NTM: variants seen among roughly 807,000 people sequenced by gnomAD.
NTM encodes the protein neurotrimin.
In NTM, 13 loss-of-function variants were observed where a neutral mutation model predicts 42.1. The ratio of observed to expected loss-of-function variants is 0.31; its 90% confidence interval spans 0.20 to 0.49. The LOEUF (loss-of-function observed/expected upper bound fraction) is 0.49. NTM is among the 20% of genes least tolerant of loss of function. NTM has a pLI of 0.99. For missense variants in NTM, 373 were observed against 452.8 expected (o/e 0.82, Z 1.60); for synonymous variants, 187 against 179.2 (o/e 1.04, Z -0.35).
In NTM at chr11:132,050,250, G is replaced by T. The variant is rs565861851; in HGVS notation, c.168-96032G>T. 2.6e-5 allele frequency among the ~76,000 whole-genome samples: 4 copies of T among 152,282 alleles called. No homozygotes were observed. In the South Asian group the frequency reaches 6.2e-4, roughly 24 times the overall value. ...CTAATAGTTACCCAGCCAGGGTCAA[G>T]CAGCTGGAGAGGGAAGTTAGAGAAA... On this transcript the variant is annotated intron_variant, in intron 2 of 8. Transcript: ENST00000683400.
At chr11:131,393,694 C>A (rs34982166) in intron 1 of NTM, among the ~76,000 whole-genome samples, 18 of 152,334 alleles carry the variant, frequency 1.2e-4, no homozygotes, top group African/African-American at 4.1e-4. Flanking sequence ...TCTCTCTCTC[C>A]GCCCCTCCTT....
chr11:131,976,104 C>T (rs1251053129), intron 2 of NTM, among the ~76,000 whole-genome samples: 1 of 141,198 alleles, frequency 7.1e-6, no homozygotes. Context: ...TCCTTCCCTC[C>T]CTCCCTCCCT....
intron 1 of NTM, among the ~76,000 whole-genome samples, chr11:131,762,636 C>T (rs367675754): frequency 9.7e-4 from 147 of 152,306 alleles, no homozygotes; most frequent in African/African-American, 3.2e-3. Context: ...CTCCTGAGGC[C>T]GTCCTTTTCC....
Position 131,712,172 on chromosome 11 carries a change from TTA to T in NTM, c.83-199391_83-199390del, listed in dbSNP as rs1491416985. 5.7e-3 allele frequency among the ~76,000 whole-genome samples: 771 copies of T among 134,376 alleles called. 12 individuals carry two copies. Among genetic ancestry groups the T allele is most frequent in the African/African-American group, 0.021 (707 of 33,984 alleles). The allele number at this position is 134,376 out of a possible 152,430, so 88.2% of individuals were successfully genotyped here. On this transcript the variant is annotated intron_variant, in intron 1 of 8. Transcript: ENST00000683400. Reference sequence around the variant, plus strand: ...AAATAAAAAAATAAAAATTAAAAAATTAAAAAAAAAAACAAAAAAAAACCCCA... The same window carrying T: ...AAATAAAAAAATAAAAATTAAAAAATAAAAAAAAAACAAAAAAAAACCCCA...
At chr11:132,179,826 G>A (rs2077302886) in intron 3 of NTM, among the ~76,000 whole-genome samples, 1 of 152,118 alleles carries the variant, frequency 6.6e-6, no homozygotes. Flanking sequence ...GAAGAAGAAT[G>A]AGGAATTTCC....
chr11:132,276,971 T>C (rs1223454597), intron 4 of NTM, among the ~76,000 whole-genome samples: 1 of 152,224 alleles, frequency 6.6e-6, no homozygotes, highest in African/African-American at 2.4e-5. Flanking sequence ...GTTGCTAGTA[T>C]ATAGAAATAC....
rs997281877 is a variant in NTM at position 132,219,400 on chromosome 11, G to A, written c.526+7253G>A. On this transcript the variant is annotated intron_variant, in intron 4 of 8. Coordinates refer to ENST00000683400, the MANE Select transcript of NTM (RefSeq NM_001352005.2). ...TGTTTTGTCTTTAGTGTCTGATAAA[G>A]CACCAGATGTTTTGGGGTCTTGTAA... Among the ~76,000 whole-genome samples, 15 of 152,248 alleles carry A rather than the reference G, an allele frequency of 9.9e-5. No homozygotes were observed. In the South Asian group the frequency reaches 2.9e-3, roughly 30 times the overall value.
chr11:131,994,513 TC>T (rs2067625012), intron 2 of NTM, among the ~76,000 whole-genome samples: 1 of 152,188 alleles, frequency 6.6e-6, no homozygotes, highest in Non-Finnish European at 1.5e-5. Context: ...ACAAGTGGTA[TC>T]ATTAGAAGGT....
chr11:131,902,054 A>G (rs1422999685), intron 1 of NTM, among the ~76,000 whole-genome samples: 1 of 152,226 alleles, frequency 6.6e-6, no homozygotes, highest in East Asian at 1.9e-4. Context: ...TTTATTTAGA[A>G]AGGCCCTGAA....
At chr11:131,466,985 G>A (rs528444176) in intron 1 of NTM, among the ~76,000 whole-genome samples, 27 of 152,254 alleles carry the variant, frequency 1.8e-4, no homozygotes, top group Admixed American at 7.8e-4. Flanking sequence ...GTGCATACAC[G>A]TACACACACG....
chr11:131,825,868 A>T (rs1020667533), intron 1 of NTM, among the ~76,000 whole-genome samples: 2 of 152,228 alleles, frequency 1.3e-5, no homozygotes, highest in Non-Finnish European at 2.9e-5. Flanking sequence ...TGAAGAGTTT[A>T]TAGTACCATT....
intron 1 of NTM, among the ~76,000 whole-genome samples, chr11:131,566,318 A>G (rs2056877205): frequency 6.6e-6 from 1 of 152,138 alleles, no homozygotes; most frequent in Non-Finnish European, 1.5e-5. Context: ...AGAATGTACA[A>G]ATTCCTTTAC....
chr11:131,409,240 G>A (rs1166404428), intron 1 of NTM, among the ~76,000 whole-genome samples: 1 of 152,232 alleles, frequency 6.6e-6, no homozygotes, highest in African/African-American at 2.4e-5. Flanking sequence ...ACTTGTTTGA[G>A]AAGCAGAAGG....
intron 2 of NTM, among the ~76,000 whole-genome samples, chr11:131,924,759 A>T (rs911405023): frequency 1.3e-5 from 2 of 152,380 alleles, no homozygotes; most frequent in East Asian, 3.9e-4. Flanking sequence ...TTACCTAAAG[A>T]AAAAACAAAC....
At chr11:132,212,547 G>A (rs1445231559) in intron 4 of NTM, among the ~76,000 whole-genome samples, 5 of 152,206 alleles carry the variant, frequency 3.3e-5, no homozygotes, top group East Asian at 1.9e-4. Context: ...CCTAAAAGGA[G>A]ATTCTCCAAG....
intron 1 of NTM, chr11:131,536,865 G>C (rs1425655789): frequency 3.3e-5 from 5 of 152,236 alleles, no homozygotes; most frequent in African/African-American, 1.2e-4. Flanking sequence ...GTAGGAAAAG[G>C]GAGAAAGGGT....
intron 1 of NTM, among the ~76,000 whole-genome samples, chr11:131,712,068 C>T (rs1462536994): frequency 6.7e-6 from 1 of 148,164 alleles, no homozygotes; most frequent in Non-Finnish European, 1.5e-5. Context: ...ACCAGCATGG[C>T]ACATGTATAC....
At position 131,735,384 on chromosome 11, in the gene NTM, C is replaced by T. The variant is rs73593017; in HGVS notation, c.83-176180C>T. Among the ~76,000 whole-genome samples, 1,460 of 152,212 alleles carry T rather than the reference C, an allele frequency of 9.6e-3. 24 individuals carry two copies. The highest frequency in any genetic ancestry group is 0.033 in the African/African-American group (1,354 of 41,528). On this transcript the variant is annotated intron_variant, in intron 1 of 8. Transcript: ENST00000683400. ...GATGTAATGTTCAGTATACAGTTCA[C>T]GAGAAAAGCCAAGTACAATGTGTTT...
In NTM at chr11:132,206,656, G is replaced by T. The variant is rs755719009; in HGVS notation, c.401-5366G>T. ...CAGCCCCTGCTCTGCGTTGCCTCTT[G>T]TAGTCAATAGACATTGTATTTCTTC... On this transcript the variant is annotated intron_variant, in intron 3 of 8. Transcript: ENST00000683400. Among the ~76,000 whole-genome samples the T allele has an allele frequency of 4.1e-4, 62 of 152,286 alleles. No individual in the cohort carries two copies. The South Asian group carries it at 4.1e-3, about 10-fold the overall frequency.
Sources: allele counts gnomAD v4.1 joint callset (sites outside exome capture counted in the v4.1 genomes callset), GRCh38; gene constraint gnomAD v4.1.1; transcripts MANE v1.5; gene names NCBI Gene and HGNC (gene_info 2026-07-23, HGNC 2026-07-21).